Variants in HOXD13 observed in about 807,000 individuals in gnomAD.
HOXD13 encodes homeobox protein Hox-D13.
HOXD13 carries 16 observed loss-of-function variants against 27.3 expected under a neutral mutation model. The observed-to-expected ratio is 0.59, with a 90% CI of 0.40 to 0.89. HOXD13 has a LOEUF of 0.89. HOXD13 is among the 40% of genes least tolerant of loss of function. HOXD13 has a pLI of 0.00. For synonymous variants in HOXD13, 241 were observed against 219.0 expected, an observed-to-expected ratio of 1.10 and a Z score of -0.89; for missense variants, 481 against 482.6, an observed-to-expected ratio of 1.00 and a Z score of 0.03.
At chr2:176,088,781 T>A (rs1030714799), upstream of HOXD13, among the ~76,000 whole-genome samples, 2 of 152,174 alleles carry the variant, frequency 1.3e-5, no homozygotes, top group Admixed American at 6.5e-5. Context: ...CACCTTGAAA[T>A]GTCGGATAAA....
At chr2:176,088,407 C>T (rs963384715), upstream of HOXD13, among the ~76,000 whole-genome samples, 2 of 152,220 alleles carry the variant, frequency 1.3e-5, no homozygotes, top group African/African-American at 2.4e-5. Flanking sequence ...TTCCTGGGCT[C>T]GGTCTACGCA....
At chr2:176,091,305 C>T (rs748538442), upstream of HOXD13, among the ~76,000 whole-genome samples, 2 of 152,152 alleles carry the variant, frequency 1.3e-5, no homozygotes, top group Non-Finnish European at 1.5e-5. Flanking sequence ...TGGAGATGGG[C>T]TGGCTTGGGG....
At chr2:176,088,530 G>A (rs1164207203), upstream of HOXD13, among the ~76,000 whole-genome samples, 1 of 150,358 alleles carries the variant, frequency 6.7e-6, no homozygotes, top group Admixed American at 6.6e-5. Context: ...AAGTGGAGCC[G>A]AACACTGCCC....
upstream of HOXD13, among the ~76,000 whole-genome samples, chr2:176,088,460 G>A (rs1323795241): frequency 3.3e-5 from 5 of 152,198 alleles, no homozygotes. Flanking sequence ...CAGACGCCAC[G>A]GGAAAACTTG....
chr2:176,093,094 G>GGCA lies in HOXD13; in HGVS notation c.206_207insAGC (p.Ala71dup), dbSNP rs1553517123. The GGCA allele has an allele frequency of 3.5e-6, 5 of 1,426,150 alleles. No homozygotes were observed. Among genetic ancestry groups the GGCA allele is most frequent in the East Asian group, 2.8e-5 (1 of 35,194 alleles). 88.3% of individuals were successfully genotyped at this position (1,426,150 alleles called of 1,614,324 possible). A position where few individuals can be genotyped will look rare whatever the true frequency, so the allele number is the denominator to read the frequency against. On this transcript the variant is annotated inframe_insertion, in exon 1 of 2. Coordinates refer to ENST00000392539, the MANE Select transcript of HOXD13 (RefSeq NM_000523.4). Reference sequence around the variant, plus strand: ...CGGCAGCGGCGGCTGCGGCGGCGGCGGCGGCAGCCTCCGGCTTTGCGTACC... The same window carrying GGCA: ...CGGCAGCGGCGGCTGCGGCGGCGGCGGCAGCGGCAGCCTCCGGCTTTGCGTACC...
chr2:176,092,458 G>T (rs918627699), upstream of HOXD13, among the ~76,000 whole-genome samples: 43 of 140,992 alleles, frequency 3.0e-4, no homozygotes, highest in Admixed American at 2.5e-3. Context: ...GCTGCAGCGC[G>T]TACGCCTGGG....
chr2:176,092,869 C>G lies in HOXD13; in HGVS notation c.-22C>G. On this transcript the variant is annotated 5_prime_UTR_variant, in exon 1 of 2. Transcript: ENST00000392539. ...TCCTGCGCGGGGCCAGGGCCAGGGC[C>G]GGGGCCGGGCCAGGCCGGGCCATGA... The G allele has an allele frequency of 1.6e-6, 2 of 1,221,624 alleles. No homozygotes were observed. Among genetic ancestry groups the G allele is most frequent in the Non-Finnish European group, 2.0e-6 (2 of 982,320 alleles). The allele number at this position is 1,221,624 out of a possible 1,614,324, so 75.7% of individuals were successfully genotyped here. A position where few individuals can be genotyped will look rare whatever the true frequency, so the allele number is the denominator to read the frequency against.
At position 176,093,623 on chromosome 2, in the gene HOXD13, A is replaced by C. The variant is rs1285795862; in HGVS notation, c.733A>C (p.Thr245Pro). Residue 245 changes from threonine to proline, a missense_variant, in exon 1 of 2, where the codon ACC becomes CCC. Physicochemically the swap from Thr to Pro is conservative, Grantham distance 38 (BLOSUM62 -1). Coordinates refer to ENST00000392539, the MANE Select transcript of HOXD13 (RefSeq NM_000523.4). ...CGGGTGGAACAGCCAGGTGTACTGC[A>C]CCAAGGACCAGCCACAGGGGTCCCA... ...ANGWNSQVYC[T>P]KDQPQGSHFW... The C allele has an allele frequency of 1.2e-6, 2 of 1,610,070 alleles. No homozygotes were observed. The highest frequency in any genetic ancestry group is 1.7e-6 in the Non-Finnish European group (2 of 1,177,334).
At chr2:176,087,799 C>T (rs563707434), upstream of HOXD13, among the ~76,000 whole-genome samples, 5 of 152,350 alleles carry the variant, frequency 3.3e-5, no homozygotes, top group East Asian at 9.6e-4. Context: ...GGACTTCCTT[C>T]GCATGGACTG....
At position 176,094,733 on chromosome 2, in the gene HOXD13, T is replaced by G; in HGVS notation, c.*3T>G. On this transcript the variant is annotated 3_prime_UTR_variant, in exon 2 of 2. Coordinates refer to ENST00000392539, the MANE Select transcript of HOXD13 (RefSeq NM_000523.4). ...AGCTCAAAGATACTGTCTCCTGATG[T>G]GGTCCAGGTTGGCCACAGACAGCTT... 6.2e-7 allele frequency: 1 copy of G among 1,613,988 alleles called. No homozygotes were observed. Among genetic ancestry groups the G allele is most frequent in the Non-Finnish European group, 8.5e-7 (1 of 1,179,866 alleles).
chr2:176,091,817 C>A (rs550531830), upstream of HOXD13, among the ~76,000 whole-genome samples: 1 of 151,584 alleles, frequency 6.6e-6, no homozygotes, highest in Non-Finnish European at 1.5e-5. Context: ...CGAGGCCGGT[C>A]GGCTGCTGGA....
At chr2:176,091,063 T>C (rs1450440856), upstream of HOXD13, among the ~76,000 whole-genome samples, 1 of 152,242 alleles carries the variant, frequency 6.6e-6, no homozygotes, top group Non-Finnish European at 1.5e-5. Flanking sequence ...TCTCTTGCTT[T>C]TCCTTTCCAA....
In HOXD13 at chr2:176,093,122, G is replaced by T; in HGVS notation, c.232G>T (p.Gly78Trp). 1 of 1,601,502 alleles carries T rather than the reference G, an allele frequency of 6.2e-7. No homozygotes were observed. Among genetic ancestry groups the T allele is most frequent in the Non-Finnish European group, 8.5e-7 (1 of 1,178,362 alleles). Residue 78 changes from glycine to tryptophan, a missense_variant, in exon 1 of 2, where the codon GGG becomes TGG. Transcript: ENST00000392539. Reference protein sequence around the residue: ...AAAASGFAYPGTSERTGSSSS... With the variant: ...AAAASGFAYPWTSERTGSSSS... ...GGCAGCCTCCGGCTTTGCGTACCCC[G>T]GGACCTCTGAGCGCACGGGCTCTTC...
chr2:176,093,209 T>C lies in HOXD13; in HGVS notation c.319T>C (p.Cys107Arg). ...CCCGGAGGCTCCCCCAGCCAAAGAGTGCCCAGCACCCACGCCTGCAGCGGC... is the reference window on the plus strand; with the variant it reads ...CCCGGAGGCTCCCCCAGCCAAAGAGCGCCCAGCACCCACGCCTGCAGCGGC... ...ARPEAPPAKE[C>R]PAPTPAAAAA... The change falls in exon 1 of 2, where the codon TGC becomes CGC. Residue 107 changes from cysteine (C) to arginine (R), a missense_variant. Coordinates refer to ENST00000392539, the MANE Select transcript of HOXD13 (RefSeq NM_000523.4). 6.2e-7 allele frequency: 1 copy of C among 1,606,210 alleles called. No homozygotes were observed. The highest frequency in any genetic ancestry group is 8.5e-7 in the Non-Finnish European group (1 of 1,178,168).
In HOXD13 at chr2:176,094,370, T is replaced by A; in HGVS notation, c.782-110T>A. 10 of 1,268,898 alleles carry A rather than the reference T, an allele frequency of 7.9e-6. No individual in the cohort carries two copies. In the South Asian group the frequency reaches 1.2e-4, roughly 16 times the overall value. 78.6% of individuals were successfully genotyped at this position (1,268,898 alleles called of 1,614,324 possible). A position where few individuals can be genotyped will look rare whatever the true frequency, so the allele number is the denominator to read the frequency against. On this transcript the variant is annotated intron_variant, in intron 1 of 1. Transcript: ENST00000392539. ...AGCATGGCATTTTTTAAAAATTTCC[T>A]GCACCCCTGCAAACGCACACACACA...
rs747426894 is a variant in HOXD13, at chr2:176,093,073, AGCGGCGGCT to A, written c.192_200del (p.Ala69_Ala71del). The A allele has an allele frequency of 1.5e-4, 212 of 1,377,670 alleles. 1 individual carries two copies. Among genetic ancestry groups the A allele is most frequent in the Middle Eastern group, 5.8e-4 (3 of 5,150 alleles). 85.3% of individuals were successfully genotyped at this position (1,377,670 alleles called of 1,614,324 possible). A position where few individuals can be genotyped will look rare whatever the true frequency, so the allele number is the denominator to read the frequency against. ...ATTCGGGGCGGGCGGCGGCGGCGGC[AGCGGCGGCT>A]GCGGCGGCGGCGGCGGCAGCCTCCG... On this transcript the variant is annotated inframe_deletion, in exon 1 of 2. Coordinates refer to ENST00000392539, the MANE Select transcript of HOXD13 (RefSeq NM_000523.4).
upstream of HOXD13, among the ~76,000 whole-genome samples, chr2:176,092,125 G>A (rs981592139): frequency 3.3e-5 from 5 of 152,200 alleles, no homozygotes; most frequent in Non-Finnish European, 7.3e-5. Context: ...TGTGTGTATA[G>A]GAAGGGTCTG....
rs1274470904 is a variant in HOXD13 at position 176,095,786 on chromosome 2, A to G, written c.*1056A>G. On this transcript the variant is annotated 3_prime_UTR_variant, in exon 2 of 2. Transcript: ENST00000392539. ...GATGTTTCTGAAAGTGATGATAAATAATTACTTTTAAAGTGCTGCATATTT... is the reference window on the plus strand; with the variant it reads ...GATGTTTCTGAAAGTGATGATAAATGATTACTTTTAAAGTGCTGCATATTT... The G allele has an allele frequency of 1.4e-5, 3 of 216,810 alleles. No homozygotes were observed. The highest frequency in any genetic ancestry group is 1.2e-4 in the Admixed American group (2 of 17,190). 13.4% of individuals were successfully genotyped at this position (216,810 alleles called of 1,614,324 possible). A position where few individuals can be genotyped will look rare whatever the true frequency, so the allele number is the denominator to read the frequency against.
Position 176,093,340 on chromosome 2 carries a change from G to T in HOXD13, c.450G>T (p.Ala150=), listed in dbSNP as rs1462766953. The T allele has an allele frequency of 6.2e-7, 1 of 1,613,534 alleles. No homozygotes were observed. Among genetic ancestry groups the T allele is most frequent in the African/African-American group, 1.3e-5 (1 of 75,068 alleles). Residue 150 remains alanine (A), a synonymous_variant, in exon 1 of 2, where the codon GCG becomes GCT. Transcript: ENST00000392539. ...MSHGVGLQQN[A]LKSSPHASLG... is the part of the protein sequence containing the mutation. Reference sequence around the variant, plus strand: ...ACGGCGTGGGCTTACAGCAGAATGCGCTCAAGTCATCGCCGCACGCCTCGC... The same window carrying T: ...ACGGCGTGGGCTTACAGCAGAATGCTCTCAAGTCATCGCCGCACGCCTCGC...
Sources: allele counts gnomAD v4.1 joint callset (sites outside exome capture counted in the v4.1 genomes callset), GRCh38; gene constraint gnomAD v4.1.1; transcripts MANE v1.5; gene names NCBI Gene and HGNC (gene_info 2026-07-23, HGNC 2026-07-21).